The following OR9Q1 variants were observed in gnomAD, a reference collection of about 807,000 sequenced individuals.
OR9Q1 encodes olfactory receptor family 9 subfamily Q member 1.
For missense variants in OR9Q1, 374 were observed against 378.8 expected, an observed-to-expected ratio of 0.99 and a Z score of 0.11; for synonymous variants, 153 against 148.6, an observed-to-expected ratio of 1.03 and a Z score of -0.22.
At chr11:58,172,117 T>A (rs940362731) in intron 2 of OR9Q1, among the ~76,000 whole-genome samples, 7 of 152,192 alleles carry the variant, frequency 4.6e-5, no homozygotes, top group Non-Finnish European at 8.8e-5. Flanking sequence ...TTGTTGTCTC[T>A]GAGGATATTT....
At chr11:58,102,831 T>C (rs770343160) in intron 2 of OR9Q1, among the ~76,000 whole-genome samples, 3 of 152,136 alleles carry the variant, frequency 2.0e-5, no homozygotes, top group Admixed American at 6.6e-5. Flanking sequence ...AATTTTCAGC[T>C]ATTATTTCAT....
chr11:58,107,941 G>C (rs571878978), intron 2 of OR9Q1, among the ~76,000 whole-genome samples: 16 of 152,120 alleles, frequency 1.1e-4, no homozygotes, highest in Non-Finnish European at 1.9e-4. Flanking sequence ...GAGACTACTT[G>C]CTACAGGTCT....
intron 2 of OR9Q1, among the ~76,000 whole-genome samples, chr11:58,139,363 A>AT (rs1170492066): frequency 2.0e-5 from 3 of 151,612 alleles, no homozygotes. Flanking sequence ...TACATGTGCC[A>AT]TGTTGGTGTG....
intron 2 of OR9Q1, among the ~76,000 whole-genome samples, chr11:58,069,433 G>A (rs1306969503): frequency 6.6e-6 from 1 of 152,096 alleles, no homozygotes; most frequent in Non-Finnish European, 1.5e-5. Context: ...GTTCTGCTTG[G>A]ATTGTGGCTC....
At chr11:58,163,054 C>A (rs76280505) in intron 2 of OR9Q1, among the ~76,000 whole-genome samples, 2,887 of 152,240 alleles carry the variant, frequency 0.019, 87 homozygotes, top group African/African-American at 0.066. Context: ...ATAAGTACAT[C>A]ATATGTTATG....
chr11:58,042,365 G>T (rs1853173814), intron 1 of OR9Q1, among the ~76,000 whole-genome samples: 1 of 151,746 alleles, frequency 6.6e-6, no homozygotes, highest in African/African-American at 2.4e-5. Context: ...TCTACATATG[G>T]CTAGCCAGTT....
At chr11:58,161,407 G>A (rs1753173758) in intron 2 of OR9Q1, among the ~76,000 whole-genome samples, 1 of 152,172 alleles carries the variant, frequency 6.6e-6, no homozygotes, top group African/African-American at 2.4e-5. Flanking sequence ...TGGCGTAATA[G>A]ATGGACAGAA....
intron 2 of OR9Q1, among the ~76,000 whole-genome samples, chr11:58,082,776 G>A (rs1031323619): frequency 6.7e-5 from 9 of 135,114 alleles, no homozygotes; most frequent in East Asian, 4.4e-4. Context: ...ATAATAAAAA[G>A]TTAGGTCTTC....
intron 2 of OR9Q1, among the ~76,000 whole-genome samples, chr11:58,167,783 C>T (rs914961498): frequency 2.6e-5 from 4 of 152,108 alleles, no homozygotes; most frequent in East Asian, 1.9e-4. Context: ...CCAAGCTGTT[C>T]CCATGGCAAT....
chr11:58,040,790 C>G (rs1167173642), intron 1 of OR9Q1: 2 of 152,126 alleles, frequency 1.3e-5, no homozygotes, highest in Non-Finnish European at 2.9e-5. Flanking sequence ...TTCCCACTTG[C>G]GATGATGCCG....
intron 2 of OR9Q1, among the ~76,000 whole-genome samples, chr11:58,081,452 T>C (rs187701818): frequency 7.4e-4 from 113 of 152,342 alleles, no homozygotes; most frequent in African/African-American, 2.3e-3. Context: ...AAAGTGTTCC[T>C]ATTTCTCCAT....
intron 2 of OR9Q1, among the ~76,000 whole-genome samples, chr11:58,094,346 T>G (rs1298975642): frequency 6.6e-6 from 1 of 152,126 alleles, no homozygotes; most frequent in Non-Finnish European, 1.5e-5. Flanking sequence ...TACAAATTAT[T>G]CAGGTGATAT....
At chr11:58,061,057 T>C (rs1853376306) in intron 2 of OR9Q1, among the ~76,000 whole-genome samples, 1 of 152,160 alleles carries the variant, frequency 6.6e-6, no homozygotes, top group Non-Finnish European at 1.5e-5. Context: ...ATCTTAGTTG[T>C]TGAGTGCATG....
At chr11:58,108,141 C>T (rs1024539031) in intron 2 of OR9Q1, among the ~76,000 whole-genome samples, 3 of 151,964 alleles carry the variant, frequency 2.0e-5, no homozygotes, top group Non-Finnish European at 4.4e-5. Flanking sequence ...GGAAGAGTAG[C>T]CAAAAGAAAG....
intron 2 of OR9Q1, chr11:58,119,522 C>A (rs746823821): frequency 2.0e-6 from 2 of 995,268 alleles, no homozygotes; most frequent in East Asian, 4.9e-5. Context: ...GAATCTTTCC[C>A]TCTATGGTGG....
intron 2 of OR9Q1, among the ~76,000 whole-genome samples, chr11:58,067,249 G>C (rs1259225322): frequency 6.6e-6 from 1 of 151,922 alleles, no homozygotes; most frequent in East Asian, 1.9e-4. Flanking sequence ...TGTTAGCCCG[G>C]GTGGTCTCCA....
At chr11:58,080,984 C>T (rs1011477128) in intron 2 of OR9Q1, among the ~76,000 whole-genome samples, 1 of 151,902 alleles carries the variant, frequency 6.6e-6, no homozygotes, top group Non-Finnish European at 1.5e-5. Context: ...CACCCCCCGA[C>T]AGGACCCAGT....
chr11:58,119,162 C>T lies in OR9Q1; in HGVS notation c.-14-60269C>T, dbSNP rs781404061. On this transcript the variant is annotated intron_variant, in intron 2 of 2. Transcript: ENST00000335397. The stretch of plus-strand genomic sequence containing the variant: ...AAAAAGAACTGGGCAGCACAGTGGC[C>T]GTAGGAGATGACCGTTTTGCCTGTG... 22 of 1,613,856 alleles carry T rather than the reference C, an allele frequency of 1.4e-5. No individual in the cohort carries two copies. Among genetic ancestry groups the T allele is most frequent in the African/African-American group, 6.7e-5 (5 of 74,904 alleles).
In OR9Q1 at chr11:58,130,544, C is replaced by A. The variant is rs61902773; in HGVS notation, c.-14-48887C>A. Reference sequence around the variant, plus strand: ...TGGTGGCTTGTGCCTGTAATCCCAGCACTTTGGGAAGCCGAGGTGGATGGA... The same window carrying A: ...TGGTGGCTTGTGCCTGTAATCCCAGAACTTTGGGAAGCCGAGGTGGATGGA... On this transcript the variant is annotated intron_variant, in intron 2 of 2. Transcript: ENST00000335397. Among the ~76,000 whole-genome samples the A allele has an allele frequency of 2.8e-3, 424 of 152,224 alleles. 2 individuals carry two copies. The highest frequency in any genetic ancestry group is 3.9e-3 in the Admixed American group (60 of 15,292).
Sources: allele counts gnomAD v4.1 joint callset (sites outside exome capture counted in the v4.1 genomes callset), GRCh38; gene constraint gnomAD v4.1.1; transcripts MANE v1.5; gene names NCBI Gene and HGNC (gene_info 2026-07-23, HGNC 2026-07-21).